Variants in MAP2K5 observed in about 807,000 individuals in gnomAD.
The protein encoded by MAP2K5 is dual specificity mitogen-activated protein kinase kinase 5.
Under a neutral mutation model 83.1 loss-of-function variants are expected in MAP2K5, and 49 were observed. The ratio of observed to expected loss-of-function variants is 0.59; its 90% CI spans 0.47 to 0.75. The LOEUF is 0.75. MAP2K5 is among the 30% of genes least tolerant of loss of function. The pLI, the probability that MAP2K5 is intolerant of heterozygous loss-of-function variation, is 0.00. For missense variants in MAP2K5, 457 were observed against 557.5 expected, an observed-to-expected ratio of 0.82 and a Z score of 1.82; for synonymous variants, 202 against 191.8, an observed-to-expected ratio of 1.05 and a Z score of -0.44.
chr15:67,628,017 T>C (rs534577573), intron 8 of MAP2K5: 3 of 748,100 alleles, frequency 4.0e-6, no homozygotes, highest in Non-Finnish European at 7.0e-6. Context: ...CTCCTGGGGC[T>C]TTGGGTTTGT....
At chr15:67,692,321 TAAAAAAAAATGCTTTTCA>T (rs2088134139) in intron 13 of MAP2K5, among the ~76,000 whole-genome samples, 140 bp from the exon 14 acceptor site, 1 of 151,410 alleles carries the variant, frequency 6.6e-6, no homozygotes, top group Non-Finnish European at 1.5e-5. Flanking sequence ...TACCTTCGGT[TAAAAAAAAATGCTTTTCA>T]TTAAATTTGT....
intron 13 of MAP2K5, chr15:67,670,487 A>G (rs776021455): frequency 3.3e-5 from 15 of 454,610 alleles, no homozygotes; most frequent in Non-Finnish European, 5.3e-5. Context: ...GCCTCAGTAA[A>G]CCAAATTTTA....
chr15:67,713,035 A>G (rs1671582463), intron 16 of MAP2K5, among the ~76,000 whole-genome samples: 1 of 152,234 alleles, frequency 6.6e-6, no homozygotes, highest in Non-Finnish European at 1.5e-5. Flanking sequence ...AAAGGGGAAG[A>G]AATCATCAAA....
Position 67,708,858 on chromosome 15 carries a change from A to G in MAP2K5, c.1044+5450A>G, listed in dbSNP as rs2141222922. On this transcript the variant is annotated intron_variant, in intron 16 of 21. Transcript: ENST00000178640. The surrounding 1 kb of genome is among the most constrained non-coding windows in gnomAD (Gnocchi z 4.9). ...ATGCCTTAAGCAAAGAAACTTTAAT[A>G]TCAGACTATCTTTTATCCAGGGACA... 6.6e-6 allele frequency among the ~76,000 whole-genome samples: 1 copy of G among 152,262 alleles called. No homozygotes were observed. Among genetic ancestry groups the G allele is most frequent in the Non-Finnish European group, 1.5e-5 (1 of 68,034 alleles).
intron 15 of MAP2K5, among the ~76,000 whole-genome samples, chr15:67,695,341 C>T (rs2088225310): frequency 6.6e-6 from 1 of 151,990 alleles, no homozygotes; most frequent in Non-Finnish European, 1.5e-5. Context: ...CTTCTCAGAA[C>T]AATACAAAAC....
intron 16 of MAP2K5, among the ~76,000 whole-genome samples, chr15:67,716,609 GACTTTA>G (rs1200184668): frequency 6.6e-6 from 1 of 152,088 alleles, no homozygotes; most frequent in East Asian, 1.9e-4. Context: ...CCTAAAGGGA[GACTTTA>G]ACTTAAAGAG....
rs1331413805 is a variant in MAP2K5 at position 67,781,905 on chromosome 15, G to T, written c.1242+9153G>T. On this transcript the variant is annotated intron_variant, in intron 21 of 21. Transcript: ENST00000178640. The surrounding 1 kb of genome is among the most constrained non-coding windows in gnomAD (Gnocchi z 4.0). ...ATTGACAAAAATTTGTATAAATAGG[G>T]TACATTTTTTCCACTTAAGAGGGCT... 6.6e-6 allele frequency among the ~76,000 whole-genome samples: 1 copy of T among 152,150 alleles called. No homozygotes were observed. The highest frequency in any genetic ancestry group is 2.4e-5 in the African/African-American group (1 of 41,404).
Position 67,546,654 on chromosome 15 carries a change from T to C in MAP2K5, c.135+3184T>C, listed in dbSNP as rs565737127. On this transcript the variant is annotated intron_variant, in intron 1 of 21. Transcript: ENST00000178640. The stretch of plus-strand genomic sequence containing the variant: ...TCTTTTTCCCTGGAGACTGAGTTCC[T>C]AGTTTTGGGAAAACTATACAAGAGG... 94 of 981,458 alleles carry C rather than the reference T, an allele frequency of 9.6e-5. No individual in the cohort carries two copies. In the African/African-American group the frequency reaches 1.6e-3, roughly 17 times the overall value. The allele number at this position is 981,458 out of a possible 1,614,324, so 60.8% of individuals were successfully genotyped here.
At position 67,644,118 on chromosome 15, in the gene MAP2K5, G is replaced by A. The variant is rs1404126509; in HGVS notation, c.586-2113G>A. On this transcript the variant is annotated intron_variant, in intron 9 of 21. Transcript: ENST00000178640. The surrounding 1 kb of genome is among the most constrained non-coding windows in gnomAD (Gnocchi z 4.6). ...CTTTTAAAAGTAAAAAACAAGCTGG[G>A]CACGGTGGCTCACGCCTGTAATCCC... 2.0e-5 allele frequency among the ~76,000 whole-genome samples: 3 copies of A among 152,146 alleles called. No homozygotes were observed. The highest frequency in any genetic ancestry group is 2.9e-5 in the Non-Finnish European group (2 of 68,036).
At chr15:67,612,784 A>G (rs1385260261) in intron 8 of MAP2K5, among the ~76,000 whole-genome samples, 1 of 152,214 alleles carries the variant, frequency 6.6e-6, no homozygotes. Flanking sequence ...GACAGCAATC[A>G]CAGCCTAGTT....
intron 8 of MAP2K5, among the ~76,000 whole-genome samples, chr15:67,624,626 TGTGTGTGTGTGTGA>T (rs1456725895): frequency 1.4e-4 from 18 of 125,586 alleles, no homozygotes; most frequent in Non-Finnish European, 2.6e-4. Flanking sequence ...TGTGTGTGTG[TGTGTGTGTGTGTGA>T]GTGTGTTTGA....
chr15:67,556,180 C>T (rs565955827), intron 2 of MAP2K5, among the ~76,000 whole-genome samples: 1 of 152,202 alleles, frequency 6.6e-6, no homozygotes, highest in Admixed American at 6.6e-5. Context: ...AAGGGTTTTC[C>T]AATATTAAGG....
rs1001255841 is a variant in MAP2K5, at chr15:67,758,868, C to G, written c.1134+10267C>G. Among the ~76,000 whole-genome samples the G allele has an allele frequency of 6.6e-6, 1 of 152,206 alleles. No homozygotes were observed. Among genetic ancestry groups the G allele is most frequent in the African/African-American group, 2.4e-5 (1 of 41,460 alleles). ...ATTTGAAGAAAGTACAAAGTGACCACTGAACATTTTGGCATCAAAGGAAGA... is the reference window on the plus strand; with the variant it reads ...ATTTGAAGAAAGTACAAAGTGACCAGTGAACATTTTGGCATCAAAGGAAGA... On this transcript the variant is annotated intron_variant, in intron 19 of 21. Coordinates refer to ENST00000178640, the MANE Select transcript of MAP2K5 (RefSeq NM_145160.3). The surrounding 1 kb of genome is among the most constrained non-coding windows in gnomAD (Gnocchi z 4.7).
intron 21 of MAP2K5, among the ~76,000 whole-genome samples, chr15:67,803,240 G>A (rs773461675): frequency 6.6e-6 from 1 of 152,176 alleles, no homozygotes; most frequent in Non-Finnish European, 1.5e-5. Context: ...AGGAGATGGG[G>A]TCACCTCCCA....
Position 67,572,140 on chromosome 15 carries a change from G to A in MAP2K5, c.253-8614G>A, listed in dbSNP as rs1254857920. Reference sequence around the variant, plus strand: ...GCAGTGTCCAGGTGGAGTAAGTTAGGACAAGGGGACTAGGAAGGATGTTTG... The same window carrying A: ...GCAGTGTCCAGGTGGAGTAAGTTAGAACAAGGGGACTAGGAAGGATGTTTG... On this transcript the variant is annotated intron_variant, in intron 3 of 21. Coordinates refer to ENST00000178640, the MANE Select transcript of MAP2K5 (RefSeq NM_145160.3). This position sits in a 1 kb window ranked among gnomAD's most constrained non-coding sequence, Gnocchi z 4.2. 6.6e-6 allele frequency among the ~76,000 whole-genome samples: 1 copy of A among 152,162 alleles called. No homozygotes were observed. Among genetic ancestry groups the A allele is most frequent in the African/African-American group, 2.4e-5 (1 of 41,426 alleles).
At chr15:67,776,257 A>G (rs1188558216) in intron 21 of MAP2K5, among the ~76,000 whole-genome samples, 1 of 132,592 alleles carries the variant, frequency 7.5e-6, no homozygotes, top group South Asian at 2.3e-4. Flanking sequence ...TAATGATTCC[A>G]TTATTAAATA....
At chr15:67,623,823 C>T (rs2095498013) in intron 8 of MAP2K5, among the ~76,000 whole-genome samples, 5 of 151,824 alleles carry the variant, frequency 3.3e-5, no homozygotes, top group Admixed American at 3.3e-4. Context: ...TCTCGAACTC[C>T]CAACCTCAGG....
At chr15:67,648,842 G>A (rs889022938) in intron 11 of MAP2K5, among the ~76,000 whole-genome samples, 6 of 152,172 alleles carry the variant, frequency 3.9e-5, no homozygotes, top group African/African-American at 1.4e-4. Flanking sequence ...GCCTCCCGAG[G>A]TGCTGGGATT....
rs1460519465 is a variant in MAP2K5, at chr15:67,552,962, TG to T, written c.184+2881del. Among the ~76,000 whole-genome samples the T allele has an allele frequency of 1.3e-5, 2 of 152,200 alleles. No individual in the cohort carries two copies. The highest frequency in any genetic ancestry group is 1.3e-4 in the Admixed American group (2 of 15,278). ...AAGCATGGTAAAAAGAAGTTTACTT[TG>T]TACTTTTTACTTGCTTTTCGGATCC... On this transcript the variant is annotated intron_variant, in intron 2 of 21. Coordinates refer to ENST00000178640, the MANE Select transcript of MAP2K5 (RefSeq NM_145160.3). This position sits in a 1 kb window ranked among gnomAD's most constrained non-coding sequence, Gnocchi z 4.2.
Sources: allele counts gnomAD v4.1 joint callset (sites outside exome capture counted in the v4.1 genomes callset), GRCh38; gene constraint gnomAD v4.1.1; non-coding constraint Gnocchi (gnomAD v3.1); transcripts MANE v1.5; gene names NCBI Gene and HGNC (gene_info 2026-07-23, HGNC 2026-07-21).